Variants in SPOCK3 observed in about 807,000 individuals in gnomAD.
SPOCK3 encodes SPARC (osteonectin), cwcv and kazal like domains proteoglycan 3, also known as testican-3.
Under a neutral mutation model 56.6 loss-of-function variants are expected in SPOCK3, and 30 were observed. The ratio of observed to expected loss-of-function variants is 0.53; its 90% CI spans 0.40 to 0.72. The LOEUF (loss-of-function observed/expected upper bound fraction) is 0.72, where lower values mean the gene tolerates loss of function less well. Among genes scored for constraint, SPOCK3 ranks in the 30% least tolerant of loss-of-function variants. The pLI is 0.00. For synonymous variants in SPOCK3, 196 were observed against 183.3 expected, an observed-to-expected ratio of 1.07 and a Z score of -0.56; for missense variants, 527 against 530.0, an observed-to-expected ratio of 0.99 and a Z score of 0.06.
intron 6 of SPOCK3, among the ~76,000 whole-genome samples, chr4:166,793,861 G>A (rs1331274791): frequency 6.6e-6 from 1 of 152,036 alleles, no homozygotes; most frequent in African/African-American, 2.4e-5. Context: ...ACATATACAG[G>A]ATCTGAAAAA....
At chr4:166,974,533 T>G (rs1256807730) in intron 4 of SPOCK3, among the ~76,000 whole-genome samples, 2 of 152,154 alleles carry the variant, frequency 1.3e-5, no homozygotes, top group Non-Finnish European at 2.9e-5. Flanking sequence ...ATAATATGTA[T>G]CTACCATTTC....
intron 8 of SPOCK3, among the ~76,000 whole-genome samples, chr4:166,752,563 TATATATATATACACAC>T (rs1296338717): frequency 0.022 from 1,196 of 53,434 alleles, 13 homozygotes; most frequent in Non-Finnish European, 0.031. Flanking sequence ...TATATATATA[TATATATATATACACAC>T]ACACACACAC....
chr4:166,943,848 G>A (rs1438793062), intron 4 of SPOCK3, among the ~76,000 whole-genome samples: 1 of 151,996 alleles, frequency 6.6e-6, no homozygotes, highest in East Asian at 1.9e-4. Flanking sequence ...GAAATTTTAT[G>A]TTAATTAAAA....
Position 166,832,874 on chromosome 4 carries a change from G to A in SPOCK3, c.590-40585C>T, listed in dbSNP as rs114623376. Among the ~76,000 whole-genome samples the A allele has an allele frequency of 7.5e-4, 114 of 152,194 alleles. 1 individual carries two copies. The highest frequency in any genetic ancestry group is 2.6e-3 in the African/African-American group (107 of 41,534). ...ACTGGGTAAGCATGGACATAAAGATGGCAACAATAAATTCTGGGTCCTACT... is the reference window on the plus strand; with the variant it reads ...ACTGGGTAAGCATGGACATAAAGATAGCAACAATAAATTCTGGGTCCTACT... On this transcript the variant is annotated intron_variant, in intron 6 of 10. Transcript: ENST00000357545.
intron 2 of SPOCK3, among the ~76,000 whole-genome samples, chr4:167,135,202 C>T (rs1763012702): frequency 6.6e-6 from 1 of 151,500 alleles, no homozygotes; most frequent in East Asian, 1.9e-4. Context: ...AGTGAAAAGA[C>T]CATTTGTCTT....
chr4:166,952,508 C>T (rs1742790289), intron 4 of SPOCK3, among the ~76,000 whole-genome samples: 1 of 152,128 alleles, frequency 6.6e-6, no homozygotes, highest in Non-Finnish European at 1.5e-5. Context: ...GCCATACTGC[C>T]TAAGGTAATT....
chr4:167,173,899 G>T (rs1184793872), intron 2 of SPOCK3, among the ~76,000 whole-genome samples: 4 of 152,116 alleles, frequency 2.6e-5, no homozygotes, highest in African/African-American at 9.7e-5. Context: ...AGGGTTTCAG[G>T]AAATGCTTCA....
intron 6 of SPOCK3, among the ~76,000 whole-genome samples, chr4:166,811,529 A>G (rs1434506168): frequency 6.6e-6 from 1 of 151,390 alleles, no homozygotes; most frequent in African/African-American, 2.4e-5. Context: ...ATCATCTTTG[A>G]TATTGATTTC....
intron 3 of SPOCK3, among the ~76,000 whole-genome samples, chr4:167,057,335 C>T (rs1237624951): frequency 2.6e-5 from 4 of 152,106 alleles, no homozygotes; most frequent in Non-Finnish European, 5.9e-5. Flanking sequence ...CAAAATCATG[C>T]CAAATTGTAA....
intron 2 of SPOCK3, among the ~76,000 whole-genome samples, chr4:167,132,730 C>G (rs1208895116): frequency 6.6e-6 from 1 of 152,086 alleles, no homozygotes; most frequent in Non-Finnish European, 1.5e-5. Context: ...CTTCGGATAG[C>G]TGCCCGTAAA....
chr4:166,771,034 TTGTA>T (rs1341093101), intron 7 of SPOCK3, among the ~76,000 whole-genome samples: 4 of 149,064 alleles, frequency 2.7e-5, no homozygotes, highest in Non-Finnish European at 4.5e-5. Flanking sequence ...TACATAGTGA[TTGTA>T]TGATAGATTA....
At chr4:166,776,461 A>C (rs1003925745) in intron 7 of SPOCK3, among the ~76,000 whole-genome samples, 1 of 152,092 alleles carries the variant, frequency 6.6e-6, no homozygotes. Flanking sequence ...AAAAACAACA[A>C]AAACATTTTC....
chr4:167,167,001 T>C (rs1197757486), intron 2 of SPOCK3, among the ~76,000 whole-genome samples: 3 of 152,144 alleles, frequency 2.0e-5, no homozygotes, highest in Admixed American at 6.6e-5. Context: ...TAGGAGTTTA[T>C]AGGACACTTC....
chr4:166,754,507 C>T lies in SPOCK3; in HGVS notation c.931+1G>A. On this transcript the variant is annotated splice_donor_variant, in intron 8 of 10. Coordinates refer to ENST00000357545, the MANE Select transcript of SPOCK3 (RefSeq NM_001040159.2). LOFTEE classifies it high-confidence loss of function. ...GCGTCTGTAAGGGTCTCATCTTTTA[C>T]CTTGCTGTCTCTGGAAGCAGTAGCA... 1 of 1,611,632 alleles carries T rather than the reference C, an allele frequency of 6.2e-7. No individual in the cohort carries two copies. Among genetic ancestry groups the T allele is most frequent in the Non-Finnish European group, 8.5e-7 (1 of 1,178,562 alleles).
At chr4:166,934,881 T>C (rs537716424) in intron 4 of SPOCK3, among the ~76,000 whole-genome samples, 153 of 150,884 alleles carry the variant, frequency 1.0e-3, no homozygotes, top group African/African-American at 3.5e-3. Flanking sequence ...CACTTTTATA[T>C]AGAAAGCTAA....
intron 4 of SPOCK3, among the ~76,000 whole-genome samples, chr4:166,940,225 T>C (rs1348701311): frequency 6.6e-6 from 1 of 152,186 alleles, no homozygotes; most frequent in African/African-American, 2.4e-5. Flanking sequence ...CTTCTGACTA[T>C]GATGATATAA....
intron 6 of SPOCK3, among the ~76,000 whole-genome samples, chr4:166,821,655 A>C (rs1744948983): frequency 6.6e-6 from 1 of 152,110 alleles, no homozygotes; most frequent in African/African-American, 2.4e-5. Flanking sequence ...CCTCAAAAAA[A>C]GTGACACTAA....
chr4:167,164,276 C>A (rs1489332589), intron 2 of SPOCK3, among the ~76,000 whole-genome samples: 1 of 151,938 alleles, frequency 6.6e-6, no homozygotes, highest in Non-Finnish European at 1.5e-5. Context: ...ACATATATAC[C>A]ATAATCATGT....
intron 2 of SPOCK3, among the ~76,000 whole-genome samples, chr4:167,088,627 G>C (rs1758419133): frequency 6.6e-6 from 1 of 151,816 alleles, no homozygotes; most frequent in Non-Finnish European, 1.5e-5. Flanking sequence ...ACCATGCCCA[G>C]CTAACTTTTG....
Sources: allele counts gnomAD v4.1 joint callset (sites outside exome capture counted in the v4.1 genomes callset), GRCh38; gene constraint gnomAD v4.1.1; transcripts MANE v1.5; gene names NCBI Gene and HGNC (gene_info 2026-07-23, HGNC 2026-07-21).